ECPAS: variants seen among roughly 807,000 people sequenced by gnomAD.
ECPAS encodes Ecm29 proteasome adaptor and scaffold.
Under a neutral mutation model 255.1 loss-of-function variants are expected in ECPAS, and 70 were observed. That is an observed-to-expected ratio of 0.27 (90% CI 0.23 to 0.33). The LOEUF is 0.33. Among genes scored for constraint, ECPAS ranks in the 10% least tolerant of loss-of-function variants. The pLI, the probability that ECPAS is intolerant of heterozygous loss-of-function variation, is 1.00. For synonymous variants in ECPAS, 784 were observed against 775.0 expected, an observed-to-expected ratio of 1.01 and a Z score of -0.19; for missense variants, 1,817 against 2,206.4, an observed-to-expected ratio of 0.82 and a Z score of 3.54.
chr9:111,418,968 C>G (rs774439667), intron 16 of ECPAS, among the ~76,000 whole-genome samples: 6 of 152,174 alleles, frequency 3.9e-5, no homozygotes, highest in African/African-American at 7.2e-5. Context: ...CAGCCAAGAT[C>G]AGAAGTCAAA....
In ECPAS at chr9:111,411,031, C is replaced by T. The variant is rs2098193492; in HGVS notation, c.2326G>A (p.Asp776Asn). ...AGTTCCTCTTGATCAGGGAGGGTGT[C>T]AGCATTTCTCTCCAGGTCTTGTTGC... Reference protein sequence around the residue: ...SEQQDLERNADTLPDQEELIQ... With the variant: ...SEQQDLERNANTLPDQEELIQ... The change falls in exon 22 of 50, where the codon GAC becomes AAC. Residue 776 changes from aspartate to asparagine, a missense_variant. Physicochemically the swap from Asp to Asn is conservative, Grantham distance 23. This residue lies in a region of ECPAS where 194 missense variants were observed against 152.8 expected (regional missense o/e 1.27). Transcript: ENST00000684092. The T allele has an allele frequency of 1.2e-6, 2 of 1,613,928 alleles. No homozygotes were observed. The highest frequency in any genetic ancestry group is 2.7e-5 in the African/African-American group (2 of 75,034).
intron 14 of ECPAS, 45 bp downstream of exon 14, chr9:111,422,089 G>A: frequency 1.9e-6 from 3 of 1,613,560 alleles, no homozygotes; most frequent in Non-Finnish European, 2.5e-6. Flanking sequence ...GGTTCCCAGG[G>A]GAACATCCAA....
At chr9:111,394,080 A>T in intron 26 of ECPAS, 80 bp downstream of exon 26, 3 of 1,307,934 alleles carry the variant, frequency 2.3e-6, no homozygotes, top group Non-Finnish European at 3.1e-6. Flanking sequence ...TTGGTTAATG[A>T]CCTTCACCCT....
chr9:111,366,759 A>G, intron 46 of ECPAS, 132 bp from the exon 47 acceptor site: 1 of 627,916 alleles, frequency 1.6e-6, no homozygotes, highest in South Asian at 2.0e-5. Flanking sequence ...TGGGGAGGAT[A>G]AGAGAGAGAA....
Position 111,362,184 on chromosome 9 carries a change from A to C in ECPAS, c.5381-15T>G, listed in dbSNP as rs749091916. On this transcript the variant is annotated splice_polypyrimidine_tract_variant and intron_variant, in intron 49 of 49. Coordinates refer to ENST00000684092, the MANE Select transcript of ECPAS (RefSeq NM_001364929.1). ...CTGTTTAGATTCTGCATGAAAAAAA[A>C]AAAACAAAAACAAAAAAAACAAAAA... 1.5e-5 allele frequency: 23 copies of C among 1,540,350 alleles called. No homozygotes were observed. In the Middle Eastern group the frequency reaches 5.2e-4, roughly 35 times the overall value.
At chr9:111,367,372 T>TA (rs2098121679) in intron 46 of ECPAS, among the ~76,000 whole-genome samples, 1 of 152,204 alleles carries the variant, frequency 6.6e-6, no homozygotes, top group Non-Finnish European at 1.5e-5. Context: ...AGCCAATGTG[T>TA]AACAGTTAAG....
At chr9:111,483,610 G>T in intron 1 of ECPAS, 1 of 398,618 alleles carries the variant, frequency 2.5e-6, no homozygotes, top group Non-Finnish European at 3.4e-6. Flanking sequence ...CTCGCGGCTC[G>T]CGGTGCGGCA....
chr9:111,467,240 TGAGAAAAGAGAA>T lies in ECPAS; in HGVS notation c.22+5645_22+5656del, dbSNP rs763936532. 4.0e-5 allele frequency among the ~76,000 whole-genome samples: 6 copies of T among 151,600 alleles called. No homozygotes were observed. In the East Asian group the frequency reaches 7.8e-4, roughly 20 times the overall value. The stretch of plus-strand genomic sequence containing the variant: ...AGAAGAGATGAGAAAAAAGAAGAGA[TGAGAAAAGAGAA>T]GAGAAGAGAGAAGAGAAGAGAAATC... On this transcript the variant is annotated intron_variant, in intron 2 of 49. Transcript: ENST00000684092.
chr9:111,383,284 T>A lies in ECPAS; in HGVS notation c.3730A>T (p.Thr1244Ser), dbSNP rs1480711049. ...AGGCAAGGCAGAAGGGCAGCGATGG[T>A]TCTCTGGCCAGCTGCTCCTTTGGCA... ...DPAKGAAGQR[T>S]IAALLPCLLD... The change falls in exon 35 of 50, where the codon ACC becomes TCC. Residue 1244 changes from threonine (T) to serine (S), a missense_variant. Around this residue, in one of 4 missense-constraint regions of ECPAS, gnomAD observed 960 missense variants for 1,179.0 expected, o/e 0.81. Transcript: ENST00000684092. 1 of 1,613,382 alleles carries A rather than the reference T, an allele frequency of 6.2e-7. No homozygotes were observed. Among genetic ancestry groups the A allele is most frequent in the South Asian group, 1.1e-5 (1 of 90,872 alleles).
At chr9:111,367,818 TGGGA>T (rs1291929111) in intron 46 of ECPAS, among the ~76,000 whole-genome samples, 3 of 152,020 alleles carry the variant, frequency 2.0e-5, no homozygotes, top group Non-Finnish European at 4.4e-5. Flanking sequence ...GAGGCCAAAG[TGGGA>T]GGATCACTTG....
chr9:111,420,016 C>T lies in ECPAS; in HGVS notation c.1559+1G>A. The T allele has an allele frequency of 1.2e-6, 2 of 1,600,538 alleles. No individual in the cohort carries two copies. The highest frequency in any genetic ancestry group is 1.7e-6 in the Non-Finnish European group (2 of 1,168,272). ...TCAAATTAACACCTTTTGAAACTTA[C>T]GGATCTCCTGCAGCCAGTAGCAGCA... On this transcript the variant is annotated splice_donor_variant, in intron 16 of 49. Transcript: ENST00000684092. LOFTEE classifies it high-confidence loss of function.
chr9:111,397,333 A>T (rs1422439566), intron 24 of ECPAS, among the ~76,000 whole-genome samples, 180 bp from the exon 25 acceptor site: 4 of 152,226 alleles, frequency 2.6e-5, no homozygotes, highest in Admixed American at 2.6e-4. Flanking sequence ...AGTGGAGGAT[A>T]TAAGAATCCC....
intron 41 of ECPAS, among the ~76,000 whole-genome samples, chr9:111,372,852 C>A (rs142843313): frequency 6.1e-4 from 92 of 152,048 alleles, no homozygotes; most frequent in African/African-American, 2.2e-3. Flanking sequence ...GGCAACATGG[C>A]GAAACCCCAC....
At chr9:111,450,924 C>CA (rs2098259445) in intron 3 of ECPAS, among the ~76,000 whole-genome samples, 2 of 151,178 alleles carry the variant, frequency 1.3e-5, no homozygotes, top group African/African-American at 4.9e-5. Context: ...GACCCTATCT[C>CA]AAAAAACAAA....
At position 111,408,304 on chromosome 9, in the gene ECPAS, G is replaced by T. The variant is rs568959149; in HGVS notation, c.2652+267C>A. On this transcript the variant is annotated intron_variant, in intron 24 of 49. Coordinates refer to ENST00000684092, the MANE Select transcript of ECPAS (RefSeq NM_001364929.1). ...GGCTCACTCCACACATCTGGCTGACGGGCTATGTGGATATGTTTCCCCTTC... is the reference window on the plus strand; with the variant it reads ...GGCTCACTCCACACATCTGGCTGACTGGCTATGTGGATATGTTTCCCCTTC... Among the ~76,000 whole-genome samples the T allele has an allele frequency of 1.1e-4, 16 of 152,192 alleles. No individual in the cohort carries two copies. The East Asian group carries it at 3.1e-3, about 29-fold the overall frequency.
At chr9:111,462,558 A>C (rs561722231) in intron 2 of ECPAS, among the ~76,000 whole-genome samples, 2 of 152,238 alleles carry the variant, frequency 1.3e-5, no homozygotes, top group East Asian at 3.9e-4. Context: ...GTCAACTGAG[A>C]TAAATGAGAA....
intron 40 of ECPAS, 32 bp from the exon 41 acceptor site, chr9:111,373,268 A>G (rs2098129553): frequency 6.2e-7 from 1 of 1,613,002 alleles, no homozygotes; most frequent in Non-Finnish European, 8.5e-7. Flanking sequence ...GTATTTCTTT[A>G]TAACTGTCAA....
chr9:111,464,385 G>A (rs1193801855), intron 2 of ECPAS, among the ~76,000 whole-genome samples: 2 of 149,952 alleles, frequency 1.3e-5, no homozygotes, highest in Admixed American at 6.7e-5. Context: ...AGTTGTGATC[G>A]TGTCCCTGCA....
intron 44 of ECPAS, 42 bp downstream of exon 44, chr9:111,370,680 G>A (rs1163292523): frequency 1.9e-6 from 3 of 1,605,144 alleles, no homozygotes; most frequent in Admixed American, 3.4e-5. Flanking sequence ...CAGTTTTCGG[G>A]TCCAGTTTAA....
Sources: allele counts gnomAD v4.1 joint callset (sites outside exome capture counted in the v4.1 genomes callset), GRCh38; gene constraint gnomAD v4.1.1; regional missense constraint gnomAD v4.1.1; transcripts MANE v1.5; gene names NCBI Gene and HGNC (gene_info 2026-07-23, HGNC 2026-07-21).